The following RERE variants were observed in gnomAD, a reference collection of about 807,000 sequenced individuals.
RERE encodes arginine-glutamic acid dipeptide repeats protein.
In RERE, 40 loss-of-function variants were observed where a neutral mutation model predicts 146.1. The observed-to-expected ratio is 0.27, with a 90% confidence interval of 0.21 to 0.36. The LOEUF is 0.36. RERE is among the 10% of genes least tolerant of loss of function. The probability of loss-of-function intolerance (pLI) is 1.00; values close to 1 mark genes in which losing one functional copy is unlikely to be tolerated. For synonymous variants in RERE, 1,003 were observed against 866.0 expected, an observed-to-expected ratio of 1.16 and a Z score of -2.78; for missense variants, 1,933 against 2,138.7, an observed-to-expected ratio of 0.90 and a Z score of 1.90.
intron 2 of RERE, among the ~76,000 whole-genome samples, chr1:8,640,044 T>C (rs531608347): frequency 3.3e-5 from 5 of 152,144 alleles, no homozygotes; most frequent in African/African-American, 1.2e-4. Flanking sequence ...TCCCAGCTAC[T>C]TGAGAGGCTG....
intron 2 of RERE, among the ~76,000 whole-genome samples, chr1:8,649,072 G>T (rs1426902840): frequency 6.6e-6 from 1 of 151,996 alleles, no homozygotes; most frequent in Admixed American, 6.6e-5. Flanking sequence ...ACTGAAAACA[G>T]TAGAAAGAAA....
chr1:8,805,832 CAAA>C (rs1641680483), intron 1 of RERE: 1 of 123,784 alleles, frequency 8.1e-6, no homozygotes, highest in African/African-American at 3.0e-5. Flanking sequence ...CATCACAAAA[CAAA>C]ACAACCTTCT....
chr1:8,504,245 TAGGGAAGACAATGTATAAGGTG>T (rs1645219323), intron 8 of RERE, among the ~76,000 whole-genome samples: 1 of 152,116 alleles, frequency 6.6e-6, no homozygotes, highest in Non-Finnish European at 1.5e-5. Flanking sequence ...ATTCCACATC[TAGGGAAGACAATGTATAAGGTG>T]AGGCAGTAAA....
At chr1:8,798,954 A>G (rs938764292) in intron 1 of RERE, among the ~76,000 whole-genome samples, 2 of 151,662 alleles carry the variant, frequency 1.3e-5, no homozygotes, top group African/African-American at 2.4e-5. Context: ...AGCCTCCCAC[A>G]GTGCTAAGAT....
chr1:8,509,866 C>T (rs372878709), intron 7 of RERE, among the ~76,000 whole-genome samples: 1 of 152,190 alleles, frequency 6.6e-6, no homozygotes, highest in Admixed American at 6.5e-5. Flanking sequence ...GTTTTTCTCT[C>T]ATGGATCTGA....
At chr1:8,419,475 C>A (rs369051848) in intron 12 of RERE, among the ~76,000 whole-genome samples, 1 of 152,174 alleles carries the variant, frequency 6.6e-6, no homozygotes, top group African/African-American at 2.4e-5. Flanking sequence ...AGCTTCAAGA[C>A]GGACGTTGTT....
chr1:8,355,198 G>A, intron 22 of RERE, 78 bp from the exon 23 acceptor site: 1 of 1,480,140 alleles, frequency 6.8e-7, no homozygotes, highest in Non-Finnish European at 9.4e-7. Context: ...CAACCCCAAA[G>A]ACAACAGCCA....
At chr1:8,440,026 A>T (rs961378439) in intron 11 of RERE, among the ~76,000 whole-genome samples, 13 of 152,114 alleles carry the variant, frequency 8.5e-5, no homozygotes, top group Admixed American at 6.5e-5. Context: ...GTGAGCTGAG[A>T]TCGCGCCATT....
chr1:8,525,675 A>G, intron 7 of RERE: 2 of 1,373,598 alleles, frequency 1.5e-6, no homozygotes, highest in Non-Finnish European at 2.0e-6. Context: ...ATGAATGATG[A>G]AATGATTCAT....
At chr1:8,401,203 C>T (rs1253599780) in intron 12 of RERE, among the ~76,000 whole-genome samples, 1 of 151,432 alleles carries the variant, frequency 6.6e-6, no homozygotes, top group East Asian at 1.9e-4. Flanking sequence ...ACTATGAAAA[C>T]AAATGCACTT....
At chr1:8,481,323 C>T (rs1644831099) in intron 10 of RERE, among the ~76,000 whole-genome samples, 1 of 152,098 alleles carries the variant, frequency 6.6e-6, no homozygotes, top group East Asian at 1.9e-4. Flanking sequence ...ACCATGTTGG[C>T]TAGAATGGTC....
At chr1:8,569,081 C>T (rs1280931732) in intron 4 of RERE, among the ~76,000 whole-genome samples, 1 of 152,168 alleles carries the variant, frequency 6.6e-6, no homozygotes, top group Non-Finnish European at 1.5e-5. Flanking sequence ...ATTCTCCCAG[C>T]AGCTCTGGTT....
intron 4 of RERE, among the ~76,000 whole-genome samples, chr1:8,613,232 C>T (rs1646812947): frequency 6.6e-6 from 1 of 152,176 alleles, no homozygotes; most frequent in South Asian, 2.1e-4. Context: ...TACACAGGCT[C>T]TCTACTGCCT....
intron 12 of RERE, among the ~76,000 whole-genome samples, chr1:8,408,535 G>A (rs982892531): frequency 6.6e-5 from 10 of 152,086 alleles, no homozygotes; most frequent in Non-Finnish European, 1.0e-4. Context: ...TTCTTAAAAC[G>A]ACTACTGTTT....
intron 4 of RERE, among the ~76,000 whole-genome samples, chr1:8,584,923 G>A (rs1290462460): frequency 3.3e-5 from 5 of 152,110 alleles, no homozygotes; most frequent in Admixed American, 2.6e-4. Flanking sequence ...CAAGGCGGGT[G>A]GATCACTTTA....
intron 12 of RERE, among the ~76,000 whole-genome samples, chr1:8,401,703 T>TGAGC (rs1372650840): frequency 6.6e-6 from 1 of 151,180 alleles, no homozygotes; most frequent in East Asian, 1.9e-4. Context: ...GAGGCTGCAG[T>TGAGC]GAGCCGTGAT....
At chr1:8,788,369 T>G (rs914348668) in intron 1 of RERE, among the ~76,000 whole-genome samples, 6 of 151,082 alleles carry the variant, frequency 4.0e-5, no homozygotes, top group South Asian at 2.1e-4. Context: ...GGAGTTTTTT[T>G]TTTTTTTTTT....
At chr1:8,695,199 T>C (rs1037290945) in intron 1 of RERE, among the ~76,000 whole-genome samples, 1 of 152,172 alleles carries the variant, frequency 6.6e-6, no homozygotes, top group Non-Finnish European at 1.5e-5. Context: ...AAAATGGTGC[T>C]GGGATAGCTA....
chr1:8,377,544 G>A (rs749209499), intron 12 of RERE, among the ~76,000 whole-genome samples: 2 of 151,818 alleles, frequency 1.3e-5, no homozygotes, highest in East Asian at 1.9e-4. Flanking sequence ...TGGTTCTATC[G>A]CCACCTCACC....
Sources: gnomAD v4.1 joint callset for allele counts (sites outside exome capture counted in the v4.1 genomes callset) on GRCh38, gnomAD v4.1.1 for gene constraint, MANE v1.5 for transcripts, NCBI Gene and HGNC (gene_info 2026-07-23, HGNC 2026-07-21) for gene names.